SCGN: variants seen among roughly 807,000 people sequenced by gnomAD.
SCGN encodes the protein secretagogin, EF-hand calcium binding protein, also known as secretagogin.
A neutral mutation model predicts 39.7 loss-of-function variants in SCGN; 30 were observed. The observed-to-expected ratio is 0.76, with a 90% CI of 0.57 to 1.03. The LOEUF is 1.03. Ranked by LOEUF, SCGN falls within the 50% of genes least tolerant of loss-of-function variation. SCGN has a pLI of 0.00. For missense variants in SCGN, 353 were observed against 349.4 expected, an observed-to-expected ratio of 1.01 and a Z score of -0.08; for synonymous variants, 106 against 114.1, an observed-to-expected ratio of 0.93 and a Z score of 0.45.
At chr6:25,669,487 A>G (rs1759460950) in intron 4 of SCGN, 24 bp from the exon 5 acceptor site, 1 of 1,603,994 alleles carries the variant, frequency 6.2e-7, no homozygotes, top group Non-Finnish European at 8.5e-7. Flanking sequence ...GGATAAATTA[A>G]TTAGTGACTT....
intron 3 of SCGN, among the ~76,000 whole-genome samples, chr6:25,664,545 G>C (rs1197264538): frequency 6.6e-6 from 1 of 152,102 alleles, no homozygotes; most frequent in East Asian, 1.9e-4. Flanking sequence ...AATAATGCAT[G>C]GCAAACATAA....
intron 7 of SCGN, among the ~76,000 whole-genome samples, chr6:25,684,140 C>CCT (rs1582585047): frequency 2.0e-5 from 3 of 152,108 alleles, no homozygotes; most frequent in African/African-American, 7.2e-5. Flanking sequence ...TCTGTAGAGG[C>CCT]GGGTTTGCTA....
At chr6:25,690,996 T>C (rs1398908831) in intron 9 of SCGN, 60 bp from the exon 10 acceptor site, 7 of 1,308,738 alleles carry the variant, frequency 5.3e-6, no homozygotes, top group Non-Finnish European at 7.7e-6. Context: ...ACCTAAGTTA[T>C]TGCCTTGCTT....
At chr6:25,670,638 A>G (rs1759486043) in intron 6 of SCGN, among the ~76,000 whole-genome samples, 1 of 152,348 alleles carries the variant, frequency 6.6e-6, no homozygotes, top group East Asian at 1.9e-4. Context: ...GTGTTAATGC[A>G]TATGAAGCAC....
chr6:25,691,754 C>T (rs764892299), intron 10 of SCGN, among the ~76,000 whole-genome samples: 3 of 151,986 alleles, frequency 2.0e-5, no homozygotes, highest in African/African-American at 4.8e-5. Flanking sequence ...GGGATTGTGT[C>T]GACAATGAAT....
intron 4 of SCGN, among the ~76,000 whole-genome samples, chr6:25,667,749 G>A (rs1330849515): frequency 6.6e-6 from 1 of 151,948 alleles, no homozygotes; most frequent in African/African-American, 2.4e-5. Context: ...TGTTTGTCTG[G>A]AAATGTCTTT....
intron 2 of SCGN, among the ~76,000 whole-genome samples, chr6:25,656,449 C>T (rs994523632): frequency 2.6e-5 from 4 of 152,174 alleles, no homozygotes; most frequent in Non-Finnish European, 5.9e-5. Context: ...CTCAGAGCCT[C>T]GGAGGGGATT....
intron 1 of SCGN, among the ~76,000 whole-genome samples, 178 bp downstream of exon 1, chr6:25,652,663 T>C (rs193290545): frequency 3.3e-5 from 5 of 152,340 alleles, no homozygotes; most frequent in East Asian, 1.9e-4. Context: ...TACACATCTA[T>C]ATACCTTGTT....
chr6:25,699,288 G>A (rs534864381), intron 10 of SCGN, among the ~76,000 whole-genome samples: 31 of 152,170 alleles, frequency 2.0e-4, no homozygotes, highest in Non-Finnish European at 4.1e-4. Context: ...CTTTATTCCC[G>A]TTAATAGTTT....
chr6:25,670,158 G>C, intron 6 of SCGN, 82 bp downstream of exon 6: 1 of 962,138 alleles, frequency 1.0e-6, no homozygotes, highest in South Asian at 1.4e-5. Context: ...CTGCTAGAGA[G>C]TTCGTCCTTG....
At chr6:25,697,864 C>A (rs1036595431) in intron 10 of SCGN, among the ~76,000 whole-genome samples, 1 of 152,156 alleles carries the variant, frequency 6.6e-6, no homozygotes, top group Admixed American at 6.6e-5. Flanking sequence ...CACTTTGGGA[C>A]CTGACTGCCT....
In SCGN at chr6:25,691,086, G is replaced by A; in HGVS notation, c.664G>A (p.Val222Met). ...AACAGGAGCCCTGGAAGGCCCAGAA[G>A]TGGATGGGTTTGTCAAAGACATGAT... is the stretch of plus-strand genomic sequence containing the variant. ...SKTGALEGPE[V>M]DGFVKDMMEL... Residue 222 changes from valine (V) to methionine (M), a missense_variant, in exon 10 of 11, where the codon GTG (valine) becomes ATG (methionine). Coordinates refer to ENST00000377961, the MANE Select transcript of SCGN (RefSeq NM_006998.4). The A allele has an allele frequency of 6.2e-7, 1 of 1,613,986 alleles. No homozygotes were observed. Among genetic ancestry groups the A allele is most frequent in the Non-Finnish European group, 8.5e-7 (1 of 1,179,878 alleles).
At chr6:25,696,460 C>T (rs2151383954) in intron 10 of SCGN, among the ~76,000 whole-genome samples, 1 of 152,162 alleles carries the variant, frequency 6.6e-6, no homozygotes, top group Admixed American at 6.5e-5. Context: ...TAATATTTCA[C>T]CTGTGGTTAG....
intron 5 of SCGN, among the ~76,000 whole-genome samples, chr6:25,669,794 C>T (rs1414056564): frequency 1.3e-5 from 2 of 152,098 alleles, no homozygotes; most frequent in Non-Finnish European, 2.9e-5. Context: ...TTTATGATAA[C>T]TTTTTCACGC....
Position 25,669,133 on chromosome 6 carries a change from T to C in SCGN, c.337-378T>C, listed in dbSNP as rs80171902. Among the ~76,000 whole-genome samples the C allele has an allele frequency of 2.0e-4, 30 of 151,530 alleles. No individual in the cohort carries two copies. In the South Asian group the frequency reaches 5.4e-3, roughly 27 times the overall value. ...CTCAAAAAAAAAAAAAAAATCTGTT[T>C]TCATAGGATGCTGCATTTTTAGGTA... On this transcript the variant is annotated intron_variant, in intron 4 of 10. Transcript: ENST00000377961.
At chr6:25,697,174 G>A (rs1028340718) in intron 10 of SCGN, among the ~76,000 whole-genome samples, 1 of 152,126 alleles carries the variant, frequency 6.6e-6, no homozygotes, top group Non-Finnish European at 1.5e-5. Context: ...ATTTTAAAAA[G>A]CAATGGCAGG....
intron 6 of SCGN, among the ~76,000 whole-genome samples, chr6:25,673,668 T>C (rs754373327): frequency 2.0e-5 from 3 of 152,162 alleles, no homozygotes; most frequent in Non-Finnish European, 4.4e-5. Context: ...CCACACCTCA[T>C]AGCTCTTCTG....
At chr6:25,675,593 C>T (rs1002504829) in intron 6 of SCGN, among the ~76,000 whole-genome samples, 1 of 152,220 alleles carries the variant, frequency 6.6e-6, no homozygotes, top group African/African-American at 2.4e-5. Flanking sequence ...CTGTTTCAAC[C>T]CGAGGTCACT....
At chr6:25,682,534 A>G (rs1247087222) in intron 7 of SCGN, among the ~76,000 whole-genome samples, 2 of 152,196 alleles carry the variant, frequency 1.3e-5, no homozygotes, top group African/African-American at 4.8e-5. Context: ...TGGTGTTGTG[A>G]CACGTGATTG....
Sources: allele counts gnomAD v4.1 joint callset (sites outside exome capture counted in the v4.1 genomes callset), GRCh38; gene constraint gnomAD v4.1.1; transcripts MANE v1.5; gene names NCBI Gene and HGNC (gene_info 2026-07-23, HGNC 2026-07-21).